SLK: variants seen among roughly 807,000 people sequenced by gnomAD.
SLK encodes the protein STE20 like kinase, also known as STE20-like serine/threonine-protein kinase.
In SLK, 67 loss-of-function variants were observed where a neutral mutation model predicts 147.7. The ratio of observed to expected loss-of-function variants is 0.45; its 90% CI spans 0.37 to 0.56. The LOEUF is 0.56. Among genes scored for constraint, SLK ranks in the 20% least tolerant of loss-of-function variants. SLK has a pLI of 0.00. For missense variants in SLK, 1,136 were observed against 1,438.8 expected (o/e 0.79, Z 3.41); for synonymous variants, 441 against 475.0 (o/e 0.93, Z 0.93).
intron 1 of SLK, among the ~76,000 whole-genome samples, chr10:103,977,301 C>G (rs1160397848): frequency 1.3e-5 from 2 of 151,846 alleles, no homozygotes; most frequent in Non-Finnish European, 2.9e-5. Flanking sequence ...TTTTGCTTGC[C>G]CCAAAACCTC....
chr10:104,005,760 A>C, intron 10 of SLK, 69 bp downstream of exon 10: 1 of 1,528,520 alleles, frequency 6.5e-7, no homozygotes, highest in Non-Finnish European at 8.9e-7. Context: ...AGTCAGAAGA[A>C]TAGAGAAACA....
At chr10:103,971,294 A>T (rs1843789522) in intron 1 of SLK, among the ~76,000 whole-genome samples, 1 of 151,516 alleles carries the variant, frequency 6.6e-6, no homozygotes, top group African/African-American at 2.4e-5. Context: ...TTTTGTTTTG[A>T]GATGGAGTCC....
In SLK at chr10:104,018,909, GTTAATGAAAGGAAAATT is replaced by G; in HGVS notation, c.3132+3_3132+19del. ...TCAGCTACTTAAGCGCCACGAGAAG[GTTAATGAAAGGAAAATT>G]TCTTCATTTTTTTGTTCGTTTTAAA... On this transcript the variant is annotated splice_donor_variant and splice_donor_5th_base_variant and intron_variant, in intron 15 of 18. Transcript: ENST00000369755. LOFTEE classifies it high-confidence loss of function. 1 of 1,559,208 alleles carries G rather than the reference GTTAATGAAAGGAAAATT, an allele frequency of 6.4e-7. No homozygotes were observed.
chr10:104,008,467 C>G, intron 12 of SLK, 111 bp downstream of exon 12: 1 of 689,736 alleles, frequency 1.4e-6, no homozygotes, highest in Non-Finnish European at 2.4e-6. Flanking sequence ...TAAATAGCAC[C>G]TATTCATTCT....
intron 7 of SLK, among the ~76,000 whole-genome samples, chr10:104,000,548 A>G (rs548728554): frequency 3.3e-5 from 5 of 152,308 alleles, no homozygotes; most frequent in East Asian, 1.9e-4. Context: ...CACACTTTCT[A>G]TTATTATTTT....
At chr10:104,008,820 T>C (rs1844362860) in intron 12 of SLK, among the ~76,000 whole-genome samples, 1 of 152,232 alleles carries the variant, frequency 6.6e-6, no homozygotes, top group Non-Finnish European at 1.5e-5. Context: ...TCATCTTTAA[T>C]TCATACTTTT....
At chr10:103,970,033 C>G (rs1843772343) in intron 1 of SLK, among the ~76,000 whole-genome samples, 1 of 152,198 alleles carries the variant, frequency 6.6e-6, no homozygotes, top group African/African-American at 2.4e-5. Context: ...ACTTAGCTCT[C>G]TCACTCAATA....
At chr10:103,972,768 T>C (rs940027445) in intron 1 of SLK, among the ~76,000 whole-genome samples, 2 of 152,254 alleles carry the variant, frequency 1.3e-5, no homozygotes, top group Admixed American at 1.3e-4. Context: ...GTTACATTTC[T>C]CATTGTGCAT....
chr10:104,002,053 T>A lies in SLK; in HGVS notation c.994-119T>A, dbSNP rs1315602408. The stretch of plus-strand genomic sequence containing the variant: ...ATTTCTTGTGAGAAGAATTGTTAAT[T>A]CTTTAAATTCAGCAACATTTACTGA... On this transcript the variant is annotated intron_variant, in intron 8 of 18. Transcript: ENST00000369755. The A allele has an allele frequency of 3.7e-6, 3 of 808,504 alleles. No homozygotes were observed. The Admixed American group carries it at 8.6e-5, about 23-fold the overall frequency. The allele number at this position is 808,504 out of a possible 1,614,324, so 50.1% of individuals were successfully genotyped here.
intron 4 of SLK, among the ~76,000 whole-genome samples, chr10:103,995,593 A>G (rs1224244363): frequency 6.6e-6 from 1 of 150,720 alleles, no homozygotes; most frequent in Non-Finnish European, 1.5e-5. Flanking sequence ...TGCCCAGCTA[A>G]TTTTTGTTTT....
At chr10:104,005,807 A>T in intron 10 of SLK, 105 bp from the exon 11 acceptor site, 2 of 1,480,814 alleles carry the variant, frequency 1.4e-6, no homozygotes, top group Non-Finnish European at 9.2e-7. Context: ...TTATTCTTTT[A>T]CTACCGTTCC....
chr10:103,970,368 T>C (rs561715142), intron 1 of SLK, among the ~76,000 whole-genome samples: 1 of 152,354 alleles, frequency 6.6e-6, no homozygotes, highest in Non-Finnish European at 1.5e-5. Context: ...GAGACATTAA[T>C]TGAAAAATTT....
intron 1 of SLK, among the ~76,000 whole-genome samples, chr10:103,968,673 G>C (rs1335159502): frequency 6.6e-6 from 1 of 152,198 alleles, no homozygotes; most frequent in African/African-American, 2.4e-5. Flanking sequence ...TTTTTTATGA[G>C]ACAGCGTTTA....
chr10:104,003,305 A>G lies in SLK; in HGVS notation c.2127A>G (p.Leu709=). 6.2e-7 allele frequency: 1 copy of G among 1,614,040 alleles called. No individual in the cohort carries two copies. The highest frequency in any genetic ancestry group is 8.5e-7 in the Non-Finnish European group (1 of 1,179,892). The change falls in exon 9 of 19, where the codon CTA becomes CTG. Residue 709 remains leucine, a synonymous_variant. Coordinates refer to ENST00000369755, the MANE Select transcript of SLK (RefSeq NM_014720.4). The stretch of plus-strand genomic sequence containing the variant: ...AGCCCACTGAACCTCAGCCTGTTCT[A>G]ATACCCAGTATTAATATCAACTCTG... ...VSQPTEPQPV[L]IPSININSDS...
At chr10:103,995,423 C>CTTTTTTTTTTTTTTTTTTTTTTTTTTT (rs756975426) in intron 4 of SLK, among the ~76,000 whole-genome samples, 20 of 67,682 alleles carry the variant, frequency 3.0e-4, no homozygotes, top group East Asian at 6.4e-4. Flanking sequence ...TCTTTCTTTT[C>CTTTTTTTTTTTTTTTTTTTTTTTTTTT]TTTTTTTTTT....
chr10:104,004,202 G>T (rs1356798471), intron 9 of SLK, among the ~76,000 whole-genome samples: 4 of 152,082 alleles, frequency 2.6e-5, no homozygotes, highest in Non-Finnish European at 5.9e-5. Flanking sequence ...AGAAAAGCAG[G>T]AACAACCTAA....
intron 1 of SLK, among the ~76,000 whole-genome samples, chr10:103,969,781 T>A (rs1423819217): frequency 7.2e-5 from 11 of 152,250 alleles, no homozygotes; most frequent in Admixed American, 5.9e-4. Flanking sequence ...AACACTTAAC[T>A]TCTCTGGACC....
chr10:103,967,809 G>C lies in SLK; in HGVS notation c.64G>C (p.Glu22Gln). The C allele has an allele frequency of 6.2e-7, 1 of 1,614,066 alleles. No homozygotes were observed. Among genetic ancestry groups the C allele is most frequent in the East Asian group, 2.2e-5 (1 of 44,876 alleles). The change falls in exon 1 of 19, where the codon GAA (glutamate) becomes CAA (glutamine). Residue 22 changes from glutamate (E) to glutamine (Q), a missense_variant. Glu to Gln is a conservative substitution (Grantham distance 29, BLOSUM62 2). Transcript: ENST00000369755. ...LGSEKKKKQY[E>Q]HVKRDLNPED... is the part of the protein sequence containing the mutation. ...GAGCGAGAAGAAGAAGAAGCAGTAC[G>C]AACACGTGAAGAGGGACCTGAACCC...
At chr10:103,998,017 A>G (rs1447025838) in intron 4 of SLK, among the ~76,000 whole-genome samples, 1 of 152,204 alleles carries the variant, frequency 6.6e-6, no homozygotes, top group Non-Finnish European at 1.5e-5. Flanking sequence ...AAATACTTCC[A>G]GAGAACCTTC....
Sources: allele counts gnomAD v4.1 joint callset (sites outside exome capture counted in the v4.1 genomes callset), GRCh38; gene constraint gnomAD v4.1.1; transcripts MANE v1.5; gene names NCBI Gene and HGNC (gene_info 2026-07-23, HGNC 2026-07-21).